FGF12: variants seen among roughly 807,000 people sequenced by gnomAD.
FGF12 encodes the protein fibroblast growth factor 12, also known as fibroblast growth factor 12B.
Under a neutral mutation model 23.6 loss-of-function variants are expected in FGF12, and 14 were observed. The observed-to-expected ratio is 0.59, with a 90% CI of 0.39 to 0.93. The LOEUF (loss-of-function observed/expected upper bound fraction) is 0.93. FGF12 is among the 40% of genes least tolerant of loss of function. FGF12 has a pLI of 0.00. For missense variants in FGF12, 175 were observed against 217.8 expected (o/e 0.80, Z 1.24); for synonymous variants, 62 against 77.3 (o/e 0.80, Z 1.04).
At chr3:192,146,937 A>G (rs868288663) in intron 5 of FGF12, among the ~76,000 whole-genome samples, 10 of 152,276 alleles carry the variant, frequency 6.6e-5, no homozygotes, top group Admixed American at 2.6e-4. Context: ...CTAATTTCCC[A>G]ATCTTTGCAC....
chr3:192,727,232 T>C lies in FGF12; in HGVS notation c.-39A>G. The C allele has an allele frequency of 6.4e-7, 1 of 1,571,402 alleles. No homozygotes were observed. Among genetic ancestry groups the C allele is most frequent in the Non-Finnish European group, 8.6e-7 (1 of 1,158,072 alleles). On this transcript the variant is annotated 5_prime_UTR_variant, in exon 2 of 6. Transcript: ENST00000445105. ...GAGTGCTGGGAAGTTCAATGGAAGT[T>C]GGCCGGAAGATGTGGGCCCGCTTCA...
chr3:192,277,847 T>C (rs2886706), intron 4 of FGF12, among the ~76,000 whole-genome samples: 56,011 of 152,076 alleles, frequency 0.37, 11,384 homozygotes, highest in East Asian at 0.9. Flanking sequence ...ACTGCAACCT[T>C]CACCTCCCGG....
chr3:192,591,451 T>G (rs1452382691), intron 2 of FGF12, among the ~76,000 whole-genome samples: 2 of 151,756 alleles, frequency 1.3e-5, no homozygotes, highest in Admixed American at 1.3e-4. Context: ...CCTAAAGGAC[T>G]AAACCAGAAA....
chr3:192,440,445 G>T (rs1205666375), intron 2 of FGF12, among the ~76,000 whole-genome samples: 1 of 152,142 alleles, frequency 6.6e-6, no homozygotes, highest in African/African-American at 2.4e-5. Flanking sequence ...GATGGGATTT[G>T]GGGGAGAGCA....
At chr3:192,438,244 C>A (rs1722088873) in intron 2 of FGF12, among the ~76,000 whole-genome samples, 1 of 152,202 alleles carries the variant, frequency 6.6e-6, no homozygotes, top group Non-Finnish European at 1.5e-5. Flanking sequence ...TTTGGTTCTT[C>A]TTCCTTCCTC....
At chr3:192,640,713 T>G (rs1345987494) in intron 2 of FGF12, among the ~76,000 whole-genome samples, 3 of 152,222 alleles carry the variant, frequency 2.0e-5, no homozygotes, top group African/African-American at 7.2e-5. Flanking sequence ...TGCTCTAAAT[T>G]AGTGTTTGGC....
chr3:192,293,043 G>T (rs1015481905), intron 4 of FGF12, among the ~76,000 whole-genome samples: 1 of 152,114 alleles, frequency 6.6e-6, no homozygotes, highest in East Asian at 1.9e-4. Flanking sequence ...TCCTACCAAC[G>T]TGCTGGGATT....
intron 2 of FGF12, among the ~76,000 whole-genome samples, chr3:192,473,485 CTCTA>C (rs1227065782): frequency 6.6e-6 from 1 of 152,302 alleles, no homozygotes; most frequent in South Asian, 2.1e-4. Flanking sequence ...GCTGGTTACA[CTCTA>C]TCTAATTTCT....
At chr3:192,417,334 C>T (rs184053008) in intron 2 of FGF12, among the ~76,000 whole-genome samples, 252 of 147,836 alleles carry the variant, frequency 1.7e-3, no homozygotes, top group African/African-American at 6.2e-3. Flanking sequence ...TGACTTCATG[C>T]CAAGAGAAGT....
intron 2 of FGF12, among the ~76,000 whole-genome samples, chr3:192,442,310 T>C (rs1722223448): frequency 6.6e-6 from 1 of 152,176 alleles, no homozygotes. Context: ...AAAACAATGG[T>C]TTGTGGATGA....
chr3:192,369,104 C>A (rs1299225572), intron 2 of FGF12, among the ~76,000 whole-genome samples: 1 of 152,188 alleles, frequency 6.6e-6, no homozygotes, highest in Non-Finnish European at 1.5e-5. Flanking sequence ...GAACTATGAA[C>A]CTCTCAGGGC....
intron 4 of FGF12, among the ~76,000 whole-genome samples, chr3:192,294,284 C>G (rs892281134): frequency 1.3e-5 from 2 of 151,966 alleles, no homozygotes; most frequent in Admixed American, 1.3e-4. Flanking sequence ...TCTCAGAGTC[C>G]TTACTTGGAG....
chr3:192,469,565 G>GTTTA (rs1021316696), intron 2 of FGF12, among the ~76,000 whole-genome samples: 2 of 152,196 alleles, frequency 1.3e-5, no homozygotes, highest in Non-Finnish European at 2.9e-5. Context: ...AAGTGTGTAT[G>GTTTA]TTTACCAAAC....
At chr3:192,353,255 T>C (rs755281237) in intron 3 of FGF12, among the ~76,000 whole-genome samples, 42 of 152,174 alleles carry the variant, frequency 2.8e-4, no homozygotes, top group Non-Finnish European at 1.5e-4. Context: ...AAATACTATG[T>C]ATTCTGCCTA....
intron 4 of FGF12, among the ~76,000 whole-genome samples, chr3:192,296,403 T>C (rs2108654989): frequency 6.6e-6 from 1 of 151,928 alleles, no homozygotes; most frequent in East Asian, 1.9e-4. Flanking sequence ...TCCATATTTT[T>C]TGTAGAGTCA....
chr3:192,406,629 G>C, intron 2 of FGF12, among the ~76,000 whole-genome samples: 1 of 152,038 alleles, frequency 6.6e-6, no homozygotes, highest in East Asian at 1.9e-4. Context: ...CTCCTGTCTT[G>C]GGATCATAAT....
At chr3:192,268,695 T>C in intron 4 of FGF12, 1 of 449,832 alleles carries the variant, frequency 2.2e-6, no homozygotes, top group Admixed American at 2.4e-5. Context: ...TCCTGAGGCT[T>C]CCCTAGAAAC....
At chr3:192,689,852 C>T (rs191761219) in intron 2 of FGF12, among the ~76,000 whole-genome samples, 113 of 151,196 alleles carry the variant, frequency 7.5e-4, no homozygotes, top group Middle Eastern at 6.8e-3. Flanking sequence ...AAGAGTTCAC[C>T]AAGATACATT....
Position 192,211,871 on chromosome 3 carries a change from T to A in FGF12, c.229-41215A>T, listed in dbSNP as rs542717800. Among the ~76,000 whole-genome samples the A allele has an allele frequency of 3.3e-5, 5 of 152,300 alleles. No individual in the cohort carries two copies. The East Asian group carries it at 9.6e-4, about 29-fold the overall frequency. On this transcript the variant is annotated intron_variant, in intron 4 of 5. Coordinates refer to ENST00000445105, the MANE Select transcript of FGF12 (RefSeq NM_004113.6). ...AAATAGCTTTCCCTTTCAAATAACA[T>A]AATAAATCCTACATAATTGCATATT... is the stretch of plus-strand genomic sequence containing the variant.
Sources: gnomAD v4.1 joint callset for allele counts (sites outside exome capture counted in the v4.1 genomes callset) on GRCh38, gnomAD v4.1.1 for gene constraint, MANE v1.5 for transcripts, NCBI Gene and HGNC (gene_info 2026-07-23, HGNC 2026-07-21) for gene names.